TXNL4A: variants seen among roughly 807,000 people sequenced by gnomAD.
TXNL4A encodes the protein thioredoxin-like protein 4A.
Under a neutral mutation model 14.6 loss-of-function variants are expected in TXNL4A, and 17 were observed. The observed-to-expected ratio is 1.16, with a 90% CI of 0.80 to 1.74. The LOEUF is 1.74. TXNL4A is among the 40% of genes most tolerant of loss of function. The pLI is 0.00. For missense variants in TXNL4A, 74 were observed against 195.2 expected (o/e 0.38, Z 3.70); for synonymous variants, 83 against 70.6 (o/e 1.18, Z -0.88).
chr18:80,025,899 G>T (rs1328072093), intron 1 of TXNL4A, among the ~76,000 whole-genome samples: 1 of 152,210 alleles, frequency 6.6e-6, no homozygotes, highest in African/African-American at 2.4e-5. Context: ...AAGATGCACA[G>T]GAGCAAGCAA....
chr18:80,030,601 T>C (rs1427715297), intron 1 of TXNL4A: 2 of 152,196 alleles, frequency 1.3e-5, no homozygotes, highest in Non-Finnish European at 2.9e-5. Flanking sequence ...CAAAAATTTA[T>C]TACATCACAG....
intron 1 of TXNL4A, among the ~76,000 whole-genome samples, chr18:80,022,640 G>A (rs1747926715): frequency 6.6e-6 from 1 of 152,194 alleles, no homozygotes; most frequent in African/African-American, 2.4e-5. Flanking sequence ...GCACTCAAGG[G>A]AAGTACAGAA....
intron 1 of TXNL4A, among the ~76,000 whole-genome samples, chr18:80,002,067 A>T (rs550038985): frequency 6.6e-6 from 1 of 152,224 alleles, no homozygotes; most frequent in African/African-American, 2.4e-5. Flanking sequence ...AGATAATTGA[A>T]TTAGGGGGGC....
At chr18:79,986,042 CTTTT>C (rs10541649) in intron 1 of TXNL4A, among the ~76,000 whole-genome samples, 1 of 146,956 alleles carries the variant, frequency 6.8e-6, no homozygotes, top group African/African-American at 2.5e-5. Flanking sequence ...CAGGTGTGCA[CTTTT>C]TTTTTTTTTG....
At chr18:80,004,410 AG>A (rs1359210211) in intron 1 of TXNL4A, among the ~76,000 whole-genome samples, 1 of 152,178 alleles carries the variant, frequency 6.6e-6, no homozygotes, top group Non-Finnish European at 1.5e-5. Context: ...ACCTGTGGGT[AG>A]GAAGGGGGCT....
intron 1 of TXNL4A, among the ~76,000 whole-genome samples, chr18:79,981,712 AC>A (rs1409014560): frequency 1.3e-5 from 2 of 152,232 alleles, no homozygotes; most frequent in African/African-American, 4.8e-5. Context: ...CAACTGAGTA[AC>A]TGTAACTTTA....
intron 1 of TXNL4A, among the ~76,000 whole-genome samples, chr18:80,032,213 G>A (rs1455663859): frequency 6.6e-6 from 1 of 152,036 alleles, no homozygotes; most frequent in African/African-American, 2.4e-5. Flanking sequence ...TCGTGACGGA[G>A]GACTTGAACT....
At chr18:80,000,607 A>G (rs2051692318) in intron 1 of TXNL4A, among the ~76,000 whole-genome samples, 1 of 152,208 alleles carries the variant, frequency 6.6e-6, no homozygotes, top group Non-Finnish European at 1.5e-5. Flanking sequence ...GAAATTCAAG[A>G]CAGTTGCAGA....
chr18:80,005,621 T>C (rs1395045594), intron 1 of TXNL4A, among the ~76,000 whole-genome samples: 1 of 152,214 alleles, frequency 6.6e-6, no homozygotes, highest in Admixed American at 6.5e-5. Context: ...TAACTCCGTA[T>C]TGAAAAATGT....
intron 2 of TXNL4A, chr18:79,977,312 C>G (rs934726889): frequency 8.2e-6 from 4 of 484,986 alleles, no homozygotes; most frequent in African/African-American, 6.1e-5. Flanking sequence ...TTCCAGGTAT[C>G]TAAAATGTCA....
chr18:79,977,797 T>A, intron 1 of TXNL4A, 96 bp from the exon 2 acceptor site: 1 of 840,266 alleles, frequency 1.2e-6, no homozygotes, highest in Non-Finnish European at 1.9e-6. Context: ...AGAATTTGTG[T>A]GGATCAGGGC....
At chr18:79,999,142 C>T (rs1451498978) in intron 1 of TXNL4A, among the ~76,000 whole-genome samples, 11 of 152,150 alleles carry the variant, frequency 7.2e-5, no homozygotes, top group Admixed American at 7.2e-4. Context: ...AGCTGCTATG[C>T]TTTTGGGGTT....
chr18:79,988,238 A>G lies in TXNL4A; in HGVS notation c.153+2T>C. 6.5e-7 allele frequency: 1 copy of G among 1,532,402 alleles called. No homozygotes were observed. The highest frequency in any genetic ancestry group is 1.2e-5 in the South Asian group (1 of 83,714). The allele number at this position is 1,532,402 out of a possible 1,614,324, so 94.9% of individuals were successfully genotyped here. ...GCAGAGCGGGAGAGTCCGGCGCGCTACCTTCTCGGCGATGCTGTACAGGAC... is the reference window on the plus strand; with the variant it reads ...GCAGAGCGGGAGAGTCCGGCGCGCTGCCTTCTCGGCGATGCTGTACAGGAC... On this transcript the variant is annotated splice_donor_variant, in intron 1 of 2. Coordinates refer to ENST00000269601, the MANE Select transcript of TXNL4A (RefSeq NM_006701.5). LOFTEE classifies it high-confidence loss of function.
intron 1 of TXNL4A, among the ~76,000 whole-genome samples, chr18:80,008,193 G>T (rs996060345): frequency 1.3e-5 from 2 of 152,208 alleles, no homozygotes; most frequent in Admixed American, 1.3e-4. Context: ...GCTTCAGTGT[G>T]ACTTTGTTTG....
chr18:80,001,609 CA>C (rs957075663), intron 1 of TXNL4A, among the ~76,000 whole-genome samples: 15 of 152,240 alleles, frequency 9.9e-5, no homozygotes. Flanking sequence ...CCTTTTGCAT[CA>C]GTGTGACCCG....
chr18:79,987,250 G>C (rs758876466), intron 1 of TXNL4A, among the ~76,000 whole-genome samples: 1 of 152,188 alleles, frequency 6.6e-6, no homozygotes, highest in Non-Finnish European at 1.5e-5. Flanking sequence ...CTAACTTCAT[G>C]CCTCTCCTAC....
intron 1 of TXNL4A, among the ~76,000 whole-genome samples, chr18:80,032,739 C>A (rs891188697): frequency 6.6e-6 from 1 of 152,170 alleles, no homozygotes; most frequent in African/African-American, 2.4e-5. Flanking sequence ...ACACGAGAGG[C>A]TGAGGCGGGA....
rs573984853 is a variant in TXNL4A, at chr18:80,013,791, A to G, written c.-61+20060T>C. On this transcript the variant is annotated intron_variant, in intron 1 of 2. Transcript: ENST00000585474. ...AGGGTCCGAGATTTCATGTGTGGGCATCTTTGGGAAGGACTGTATTAGTTC... is the reference window on the plus strand; with the variant it reads ...AGGGTCCGAGATTTCATGTGTGGGCGTCTTTGGGAAGGACTGTATTAGTTC... Among the ~76,000 whole-genome samples the G allele has an allele frequency of 4.6e-5, 7 of 152,324 alleles. No homozygotes were observed. In the South Asian group the frequency reaches 8.3e-4, roughly 18 times the overall value.
intron 1 of TXNL4A, among the ~76,000 whole-genome samples, chr18:79,984,488 C>G (rs1230369141): frequency 6.6e-6 from 1 of 152,166 alleles, no homozygotes; most frequent in Non-Finnish European, 1.5e-5. Flanking sequence ...CCCAGCTACT[C>G]AGGAGGCTGA....
Sources: allele counts gnomAD v4.1 joint callset (sites outside exome capture counted in the v4.1 genomes callset), GRCh38; gene constraint gnomAD v4.1.1; transcripts MANE v1.5; gene names NCBI Gene and HGNC (gene_info 2026-07-23, HGNC 2026-07-21).